The following HS3ST4 variants were observed in gnomAD, a reference collection of about 807,000 sequenced individuals.
HS3ST4 encodes the protein heparan sulfate-glucosamine 3-sulfotransferase 4.
Under a neutral mutation model 29.2 loss-of-function variants are expected in HS3ST4, and 17 were observed. The observed-to-expected ratio is 0.58, with a 90% confidence interval of 0.40 to 0.87. The LOEUF (loss-of-function observed/expected upper bound fraction) is 0.87. HS3ST4 is among the 40% of genes least tolerant of loss of function. The probability of loss-of-function intolerance (pLI) is 0.00; values close to 1 mark genes in which losing one functional copy is unlikely to be tolerated. For synonymous variants in HS3ST4, 314 were observed against 285.7 expected (o/e 1.10, Z -1.00); for missense variants, 627 against 634.5 (o/e 0.99, Z 0.13).
intron 1 of HS3ST4, among the ~76,000 whole-genome samples, chr16:25,855,591 A>G (rs1967567210): frequency 6.6e-6 from 1 of 152,166 alleles, no homozygotes; most frequent in Admixed American, 6.5e-5. Flanking sequence ...TCTTATAATC[A>G]CTATTTTAAT....
Position 26,135,936 on chromosome 16 carries a change from C to G in HS3ST4, c.1059C>G (p.Leu353=). The G allele has an allele frequency of 6.2e-7, 1 of 1,614,000 alleles. No homozygotes were observed. The highest frequency in any genetic ancestry group is 8.5e-7 in the Non-Finnish European group (1 of 1,179,872). The change falls in exon 2 of 2, where the codon CTC becomes CTG. Residue 353 remains leucine, a synonymous_variant. Coordinates refer to ENST00000331351, the MANE Select transcript of HS3ST4 (RefSeq NM_006040.3). Reference sequence around the variant, plus strand: ...AGTATTTCCCCCTCTCCCAGATCCTCTTTGTCAGTGGTGAGCGACTCATTG... The same window carrying G: ...AGTATTTCCCCCTCTCCCAGATCCTGTTTGTCAGTGGTGAGCGACTCATTG... ...WLQYFPLSQI[L]FVSGERLIVD...
intron 1 of HS3ST4, among the ~76,000 whole-genome samples, chr16:25,919,537 G>T (rs374859659): frequency 6.6e-6 from 1 of 152,126 alleles, no homozygotes; most frequent in Non-Finnish European, 1.5e-5. Flanking sequence ...GCAATAGCTG[G>T]TATTGTAAGC....
chr16:25,867,555 C>T (rs1967708947), intron 1 of HS3ST4, among the ~76,000 whole-genome samples: 3 of 152,092 alleles, frequency 2.0e-5, no homozygotes, highest in Non-Finnish European at 4.4e-5. Context: ...TTATCTTAGC[C>T]TTCAATAAAC....
At chr16:25,902,828 T>G (rs1360200499) in intron 1 of HS3ST4, among the ~76,000 whole-genome samples, 1 of 151,962 alleles carries the variant, frequency 6.6e-6, no homozygotes, top group East Asian at 1.9e-4. Flanking sequence ...CTGGGTGCAG[T>G]GGCTCATGCC....
chr16:26,008,644 G>A (rs767347107), intron 1 of HS3ST4, among the ~76,000 whole-genome samples: 19 of 151,966 alleles, frequency 1.3e-4, no homozygotes, highest in Non-Finnish European at 2.4e-4. Context: ...CATGGTGAAA[G>A]CCTGTCTCTA....
chr16:26,136,841 C>T lies in HS3ST4; in HGVS notation c.*593C>T, dbSNP rs1345419714. The T allele has an allele frequency of 1.3e-5, 2 of 154,348 alleles. No individual in the cohort carries two copies. The highest frequency in any genetic ancestry group is 1.4e-5 in the Non-Finnish European group (1 of 69,512). 9.6% of individuals were successfully genotyped at this position (154,348 alleles called of 1,614,324 possible). A position where few individuals can be genotyped will look rare whatever the true frequency, so the allele number is the denominator to read the frequency against. On this transcript the variant is annotated 3_prime_UTR_variant, in exon 2 of 2. Coordinates refer to ENST00000331351, the MANE Select transcript of HS3ST4 (RefSeq NM_006040.3). Reference sequence around the variant, plus strand: ...CCTCCCCACATCATGAAGGCAGAGGCATGCACATTCCTCACTGAAAAAGAA... The same window carrying T: ...CCTCCCCACATCATGAAGGCAGAGGTATGCACATTCCTCACTGAAAAAGAA...
intron 1 of HS3ST4, among the ~76,000 whole-genome samples, chr16:25,827,544 A>AC (rs1379625961): frequency 6.2e-4 from 93 of 150,940 alleles, no homozygotes; most frequent in African/African-American, 2.2e-3. Flanking sequence ...AAAAAAAAAA[A>AC]AAACAACAAC....
intron 1 of HS3ST4, among the ~76,000 whole-genome samples, chr16:25,805,528 G>A (rs908431201): frequency 3.3e-5 from 5 of 151,962 alleles, no homozygotes; most frequent in Admixed American, 3.3e-4. Flanking sequence ...GACAAAAAGT[G>A]ATTTCACCCT....
At chr16:25,776,533 G>C (rs1966847664) in intron 1 of HS3ST4, among the ~76,000 whole-genome samples, 1 of 152,104 alleles carries the variant, frequency 6.6e-6, no homozygotes, top group South Asian at 2.1e-4. Flanking sequence ...ACTGTGCTCT[G>C]ACCATCTTGG....
intron 1 of HS3ST4, among the ~76,000 whole-genome samples, chr16:25,875,429 C>G (rs1261849390): frequency 6.6e-6 from 1 of 152,168 alleles, no homozygotes; most frequent in African/African-American, 2.4e-5. Context: ...TCTGTGCTGA[C>G]TCTGTAGACC....
Position 25,692,968 on chromosome 16 carries a change from G to T in HS3ST4, c.551G>T (p.Gly184Val). ...GCGGCCAACGGGAGCAGCGAGAGGG[G>T]CGGCGCCGTCAGCACCCCCGACTAT... ...RRAANGSSERGGAVSTPDYGE... is the reference protein window; with the variant it reads ...RRAANGSSERVGAVSTPDYGE... Residue 184 changes from glycine to valine, a missense_variant, in exon 1 of 2, where the codon GGC (glycine) becomes GTC (valine). Coordinates refer to ENST00000331351, the MANE Select transcript of HS3ST4 (RefSeq NM_006040.3). 6.2e-7 allele frequency: 1 copy of T among 1,610,896 alleles called. No homozygotes were observed. Among genetic ancestry groups the T allele is most frequent in the Non-Finnish European group, 8.5e-7 (1 of 1,179,190 alleles).
At chr16:25,765,794 T>C (rs1036766177) in intron 1 of HS3ST4, among the ~76,000 whole-genome samples, 3 of 152,032 alleles carry the variant, frequency 2.0e-5, no homozygotes, top group Admixed American at 6.5e-5. Context: ...TTGAGTCAGG[T>C]GCCCCATGTA....
chr16:25,905,771 G>A (rs8046735), intron 1 of HS3ST4, among the ~76,000 whole-genome samples: 4,991 of 152,230 alleles, frequency 0.033, 119 homozygotes, highest in South Asian at 0.061. Flanking sequence ...TTGTTCCTTG[G>A]TATTAATTTA....
chr16:26,122,136 C>T (rs182910357), intron 1 of HS3ST4, among the ~76,000 whole-genome samples: 1 of 150,816 alleles, frequency 6.6e-6, no homozygotes, highest in East Asian at 2.0e-4. Flanking sequence ...TTGCAAGAGA[C>T]CTCCACATCC....
At chr16:26,108,715 C>T (rs185114552) in intron 1 of HS3ST4, among the ~76,000 whole-genome samples, 1 of 152,302 alleles carries the variant, frequency 6.6e-6, no homozygotes, top group Admixed American at 6.5e-5. Context: ...ATGTGAATGT[C>T]TAACAATTGT....
chr16:25,931,444 A>T (rs1205962782), intron 1 of HS3ST4, among the ~76,000 whole-genome samples: 2 of 152,246 alleles, frequency 1.3e-5, no homozygotes, highest in African/African-American at 4.8e-5. Context: ...CTAAAAATAG[A>T]TAAAGTGCAG....
rs180801035 is a variant in HS3ST4 at position 26,074,911 on chromosome 16, G to A, written c.735-60701G>A. 1.2e-4 allele frequency among the ~76,000 whole-genome samples: 18 copies of A among 152,196 alleles called. No homozygotes were observed. In the East Asian group the frequency reaches 2.3e-3, roughly 20 times the overall value. On this transcript the variant is annotated intron_variant, in intron 1 of 1. Coordinates refer to ENST00000331351, the MANE Select transcript of HS3ST4 (RefSeq NM_006040.3). Reference sequence around the variant, plus strand: ...CTAACTTTAACTTAAAACTCACACCGGCAAGGCATGATGGCTCTCATGCCT... The same window carrying A: ...CTAACTTTAACTTAAAACTCACACCAGCAAGGCATGATGGCTCTCATGCCT...
intron 1 of HS3ST4, among the ~76,000 whole-genome samples, chr16:25,873,901 G>A (rs113657687): frequency 0.039 from 5,983 of 152,150 alleles, 117 homozygotes; most frequent in South Asian, 0.072. Context: ...AGGGTCATGT[G>A]GACATCTCTT....
chr16:26,025,522 T>A (rs1969460894), intron 1 of HS3ST4, among the ~76,000 whole-genome samples: 1 of 152,146 alleles, frequency 6.6e-6, no homozygotes, highest in Non-Finnish European at 1.5e-5. Flanking sequence ...AGAGTTTAGG[T>A]CTCAGAAGAA....
Sources: allele counts gnomAD v4.1 joint callset (sites outside exome capture counted in the v4.1 genomes callset), GRCh38; gene constraint gnomAD v4.1.1; transcripts MANE v1.5; gene names NCBI Gene and HGNC (gene_info 2026-07-23, HGNC 2026-07-21).